Variants in CERCAM observed in about 807,000 individuals in gnomAD.
CERCAM encodes inactive glycosyltransferase 25 family member 3.
In CERCAM, 59 loss-of-function variants were observed where a neutral mutation model predicts 66.0. The ratio of observed to expected loss-of-function variants is 0.89; its 90% CI spans 0.73 to 1.11. The LOEUF (loss-of-function observed/expected upper bound fraction) is 1.11, where lower values mean the gene tolerates loss of function less well. CERCAM is among the 50% of genes most tolerant of loss of function. CERCAM has a pLI of 0.00. For synonymous variants in CERCAM, 318 were observed against 343.6 expected, an observed-to-expected ratio of 0.93 and a Z score of 0.83; for missense variants, 840 against 828.3, an observed-to-expected ratio of 1.01 and a Z score of -0.17.
intron 1 of CERCAM, 111 bp from the exon 2 acceptor site, chr9:128,422,757 C>A: frequency 8.0e-7 from 1 of 1,244,774 alleles, no homozygotes; most frequent in African/African-American, 1.5e-5. Flanking sequence ...CTACCCTTCA[C>A]TGTTCCAAGG....
chr9:128,435,057 A>C (rs2907928), intron 11 of CERCAM, among the ~76,000 whole-genome samples: 1 of 151,350 alleles, frequency 6.6e-6, no homozygotes, highest in African/African-American at 2.4e-5. Context: ...GCAGTGGCGC[A>C]ATCTTGGCTC....
At chr9:128,429,172 T>A in intron 8 of CERCAM, 136 bp downstream of exon 8, 1 of 640,616 alleles carries the variant, frequency 1.6e-6, no homozygotes, top group Non-Finnish European at 2.7e-6. Flanking sequence ...AGGGTCTGAG[T>A]AATATCCTCT....
At chr9:128,425,947 G>A (rs1022784321) in intron 5 of CERCAM, among the ~76,000 whole-genome samples, 4 of 151,086 alleles carry the variant, frequency 2.6e-5, no homozygotes, top group African/African-American at 9.7e-5. Context: ...TGGGACCACA[G>A]GTGCACACCA....
chr9:128,434,337 A>T lies in CERCAM; in HGVS notation c.1332-73A>T, dbSNP rs530636470. 6.5e-3 allele frequency: 10,503 copies of T among 1,603,932 alleles called. 60 individuals are homozygous for T. The highest frequency in any genetic ancestry group is 7.4e-3 in the Non-Finnish European group (8,678 of 1,173,168). On this transcript the variant is annotated intron_variant, in intron 10 of 12. Transcript: ENST00000372838. The surrounding 1 kb of genome is among the most constrained non-coding windows in gnomAD (Gnocchi z 4.5). The stretch of plus-strand genomic sequence containing the variant: ...CCATCCCCTGAGAGCCTGGCCCTGT[A>T]GGAGCGGGTGTGGGAGGGTCCCATG...
Position 128,424,267 on chromosome 9 carries a change from C to G in CERCAM, c.556C>G (p.Pro186Ala). Reference sequence around the variant, plus strand: ...CTCCAACTTCTGGTGTGGGATCACCCCCCAGGTGAGGCCGGGATGGGGGCC... The same window carrying G: ...CTCCAACTTCTGGTGTGGGATCACCGCCCAGGTGAGGCCGGGATGGGGGCC... ...YYSNFWCGIT[P>A]QGYYRRTAEY... Residue 186 changes from proline to alanine, a missense_variant, in exon 4 of 13, where the codon CCC becomes GCC. Physicochemically the swap from Pro to Ala is conservative, Grantham distance 27. Transcript: ENST00000372838. 1 of 1,614,040 alleles carries G rather than the reference C, an allele frequency of 6.2e-7. No individual in the cohort carries two copies. Among genetic ancestry groups the G allele is most frequent in the South Asian group, 1.1e-5 (1 of 91,080 alleles).
At chr9:128,425,289 T>C (rs1246773999) in intron 5 of CERCAM, among the ~76,000 whole-genome samples, 1 of 144,744 alleles carries the variant, frequency 6.9e-6, no homozygotes, top group Non-Finnish European at 1.5e-5. Context: ...TCTCCTGACC[T>C]CGTGATCTGC....
At chr9:128,422,709 C>A in intron 1 of CERCAM, 159 bp from the exon 2 acceptor site, 13 of 746,458 alleles carry the variant, frequency 1.7e-5, no homozygotes, top group Non-Finnish European at 2.6e-5. Context: ...TGGTGGGGAC[C>A]TGGCTGTGCT....
rs1399056246 is a variant in CERCAM, at chr9:128,428,911, AC to A, written c.964-13del. 5.6e-6 allele frequency: 9 copies of A among 1,601,952 alleles called. No homozygotes were observed. The highest frequency in any genetic ancestry group is 2.7e-5 in the African/African-American group (2 of 74,010). ...TTCCGCTCCCTTGCACTTACCGCCC[AC>A]CCCCCTGCCTCCTCCAGGTCTTTGT... On this transcript the variant is annotated intron_variant, in intron 7 of 12. Coordinates refer to ENST00000372838, the MANE Select transcript of CERCAM (RefSeq NM_016174.5).
intron 11 of CERCAM, among the ~76,000 whole-genome samples, chr9:128,435,079 C>T (rs959406364): frequency 2.0e-5 from 3 of 150,294 alleles, no homozygotes; most frequent in Non-Finnish European, 3.0e-5. Flanking sequence ...CTGCAACCTC[C>T]GCCTCCCAGG....
rs748431384 is a variant in CERCAM, at chr9:128,428,306, C to T, written c.771C>T (p.Val257=). 2 of 1,613,872 alleles carry T rather than the reference C, an allele frequency of 1.2e-6. No individual in the cohort carries two copies. Among genetic ancestry groups the T allele is most frequent in the East Asian group, 2.2e-5 (1 of 44,856 alleles). ...VFAYACQAAG[V]SVHVCNEHRY... ...TCACTCAGCCTGTCTCTGCAGGGGT[C>T]TCCGTCCACGTGTGCAATGAGCACC... Residue 257 remains valine (V), a synonymous_variant, in exon 6 of 13, where the codon GTC becomes GTT. Transcript: ENST00000372838.
intron 8 of CERCAM, among the ~76,000 whole-genome samples, chr9:128,430,435 T>C (rs1411453696): frequency 6.6e-6 from 1 of 151,832 alleles, no homozygotes; most frequent in Non-Finnish European, 1.5e-5. Context: ...AGATGGGGTT[T>C]TTCTCTGTTG....
Position 128,429,827 on chromosome 9 carries a change from G to A in CERCAM, c.1070+791G>A, listed in dbSNP as rs559583026. 4.0e-5 allele frequency among the ~76,000 whole-genome samples: 6 copies of A among 150,194 alleles called. No individual in the cohort carries two copies. In the South Asian group the frequency reaches 6.3e-4, roughly 16 times the overall value. On this transcript the variant is annotated intron_variant, in intron 8 of 12. Coordinates refer to ENST00000372838, the MANE Select transcript of CERCAM (RefSeq NM_016174.5). ...TTTTGAGGCAGAGTCTCGCTCTGTC[G>A]CCCAGGCCTGGAGTGCAGTGGCGCA... is the stretch of plus-strand genomic sequence containing the variant.
chr9:128,428,260 C>A (rs1252528447), intron 5 of CERCAM, 42 bp from the exon 6 acceptor site: 1 of 1,604,104 alleles, frequency 6.2e-7, no homozygotes, highest in Non-Finnish European at 8.5e-7. Flanking sequence ...GTTCTGAGAG[C>A]CCCACCCTCC....
At chr9:128,425,214 G>C (rs1035622495) in intron 5 of CERCAM, among the ~76,000 whole-genome samples, 3 of 151,390 alleles carry the variant, frequency 2.0e-5, no homozygotes, top group South Asian at 2.1e-4. Context: ...CCACCACCAC[G>C]CCCGGCTAAT....
At chr9:128,424,936 G>A (rs1461323537) in intron 5 of CERCAM, among the ~76,000 whole-genome samples, 2 of 151,676 alleles carry the variant, frequency 1.3e-5, no homozygotes, top group Non-Finnish European at 2.9e-5. Flanking sequence ...TGGTCAGGCT[G>A]GTCTCAAAAC....
Position 128,434,380 on chromosome 9 carries a change from G to C in CERCAM, c.1332-30G>C. ...GTCCCATGACACCCAGGACCTAAGT[G>C]ACTCCTGGGCCCCTTGGTGTCACTT... On this transcript the variant is annotated intron_variant, in intron 10 of 12. Transcript: ENST00000372838. This position sits in a 1 kb window ranked among gnomAD's most constrained non-coding sequence, Gnocchi z 4.5. 1 of 1,611,070 alleles carries C rather than the reference G, an allele frequency of 6.2e-7. No individual in the cohort carries two copies. The highest frequency in any genetic ancestry group is 8.5e-7 in the Non-Finnish European group (1 of 1,177,748).
chr9:128,421,367 CT>C, intron 1 of CERCAM: 1 of 1,162,626 alleles, frequency 8.6e-7, no homozygotes, highest in Non-Finnish European at 1.1e-6. Context: ...CCAGCCAGCC[CT>C]TTTCACCCCA....
chr9:128,434,946 G>A lies in CERCAM; in HGVS notation c.1535+333G>A, dbSNP rs931223686. On this transcript the variant is annotated intron_variant, in intron 11 of 12. Transcript: ENST00000372838. This position sits in a 1 kb window ranked among gnomAD's most constrained non-coding sequence, Gnocchi z 4.5. ...GCTGCCTCAGCCTCCTGAGTAGCTGGGATTACAGGGAAGTGCCACCACACC... is the reference window on the plus strand; with the variant it reads ...GCTGCCTCAGCCTCCTGAGTAGCTGAGATTACAGGGAAGTGCCACCACACC... 6.6e-6 allele frequency among the ~76,000 whole-genome samples: 1 copy of A among 151,890 alleles called. No individual in the cohort carries two copies. The highest frequency in any genetic ancestry group is 1.5e-5 in the Non-Finnish European group (1 of 67,980).
intron 6 of CERCAM, 26 bp downstream of exon 6, chr9:128,428,447 C>A (rs1263396009): frequency 6.2e-7 from 1 of 1,612,374 alleles, no homozygotes; most frequent in East Asian, 2.2e-5. Context: ...CTGTTCCACC[C>A]ACCTGCTGCC....
Sources: gnomAD v4.1 joint callset for allele counts (sites outside exome capture counted in the v4.1 genomes callset) on GRCh38, gnomAD v4.1.1 for gene constraint, Gnocchi (gnomAD v3.1) non-coding constraint, MANE v1.5 for transcripts, NCBI Gene and HGNC (gene_info 2026-07-23, HGNC 2026-07-21) for gene names.